The following NEDD4L variants were observed in gnomAD, a reference collection of about 807,000 sequenced individuals.
NEDD4L encodes the protein NEDD4 like E3 ubiquitin protein ligase.
NEDD4L carries 54 observed loss-of-function variants against 148.9 expected under a neutral mutation model. The ratio of observed to expected loss-of-function variants is 0.36; its 90% CI spans 0.29 to 0.45. The LOEUF (loss-of-function observed/expected upper bound fraction) is 0.45. Ranked by LOEUF, NEDD4L falls within the 20% of genes least tolerant of loss-of-function variation. NEDD4L has a pLI of 1.00. For missense variants in NEDD4L, 856 were observed against 1,233.8 expected (o/e 0.69, Z 4.59); for synonymous variants, 433 against 440.7 (o/e 0.98, Z 0.22).
Position 58,265,163 on chromosome 18 carries a change from T to C in NEDD4L, c.297+13109T>C, listed in dbSNP as rs909759079. Among the ~76,000 whole-genome samples, 5 of 151,992 alleles carry C rather than the reference T, an allele frequency of 3.3e-5. 1 individual carries two copies. The highest frequency in any genetic ancestry group is 7.4e-5 in the Non-Finnish European group (5 of 67,936). ...GACCAGATTTGTCTCAGTGGGCCAG[T>C]GGGAGGGGCCTCATTGAAAGACTGA... On this transcript the variant is annotated intron_variant, in intron 5 of 30. Coordinates refer to ENST00000400345, the MANE Select transcript of NEDD4L (RefSeq NM_001144967.3).
intron 2 of NEDD4L, among the ~76,000 whole-genome samples, chr18:58,173,421 G>C (rs1422857267): frequency 6.6e-6 from 1 of 152,186 alleles, no homozygotes; most frequent in Non-Finnish European, 1.5e-5. Context: ...AAACCTGCTT[G>C]GGTTGCTATC....
chr18:58,166,962 T>A (rs1274107717), intron 2 of NEDD4L, among the ~76,000 whole-genome samples: 1 of 152,246 alleles, frequency 6.6e-6, no homozygotes, highest in Non-Finnish European at 1.5e-5. Context: ...GCCTCTATTT[T>A]CTCACCTGTG....
intron 19 of NEDD4L, 28 bp from the exon 20 acceptor site, chr18:58,364,240 T>G: frequency 1.5e-6 from 2 of 1,358,306 alleles, no homozygotes; most frequent in Non-Finnish European, 2.1e-6. Context: ...TTGTTTGCAT[T>G]ATCTATATTT....
chr18:58,229,553 T>G (rs578142937), intron 2 of NEDD4L, among the ~76,000 whole-genome samples: 2 of 152,234 alleles, frequency 1.3e-5, no homozygotes, highest in Non-Finnish European at 2.9e-5. Flanking sequence ...TCTTTAATAT[T>G]ATCTCATTCC....
intron 24 of NEDD4L, among the ~76,000 whole-genome samples, chr18:58,379,999 C>T (rs1258677596): frequency 6.6e-6 from 1 of 152,066 alleles, no homozygotes; most frequent in Non-Finnish European, 1.5e-5. Context: ...GACGGCTGCC[C>T]ACAGGATGAT....
At chr18:58,123,345 G>A (rs1037511892) in intron 1 of NEDD4L, among the ~76,000 whole-genome samples, 2 of 152,086 alleles carry the variant, frequency 1.3e-5, no homozygotes, top group Non-Finnish European at 2.9e-5. Flanking sequence ...CCCACTCTGC[G>A]ATCTTCCGTT....
chr18:58,206,528 C>A (rs75147655), intron 2 of NEDD4L, among the ~76,000 whole-genome samples: 2 of 152,130 alleles, frequency 1.3e-5, no homozygotes, highest in African/African-American at 4.8e-5. Context: ...TGTGTTTGCA[C>A]GGGGTCTGAA....
chr18:58,103,016 TATC>T (rs754843095), intron 1 of NEDD4L, among the ~76,000 whole-genome samples: 5 of 152,020 alleles, frequency 3.3e-5, no homozygotes, highest in Non-Finnish European at 7.4e-5. Flanking sequence ...GCTGGCTTAT[TATC>T]TGTGCTGGCT....
chr18:58,323,217 C>G lies in NEDD4L; in HGVS notation c.411-15C>G, dbSNP rs750032362. 2 of 1,514,266 alleles carry G rather than the reference C, an allele frequency of 1.3e-6. No homozygotes were observed. Among genetic ancestry groups the G allele is most frequent in the East Asian group, 2.3e-5 (1 of 43,998 alleles). The allele number at this position is 1,514,266 out of a possible 1,614,324, so 93.8% of individuals were successfully genotyped here. A position where few individuals can be genotyped will look rare whatever the true frequency, so the allele number is the denominator to read the frequency against. ...CACAACCCTTCTAACCAATTTTCTT[C>G]CATTATGTGTGCAGTCATAAGTCTC... On this transcript the variant is annotated splice_polypyrimidine_tract_variant and intron_variant, in intron 7 of 30. Coordinates refer to ENST00000400345, the MANE Select transcript of NEDD4L (RefSeq NM_001144967.3).
chr18:58,202,020 G>A (rs2041469651), intron 2 of NEDD4L, among the ~76,000 whole-genome samples: 2 of 152,186 alleles, frequency 1.3e-5, no homozygotes, highest in African/African-American at 4.8e-5. Flanking sequence ...TGGTATTTTT[G>A]TCGAGGCATT....
intron 5 of NEDD4L, among the ~76,000 whole-genome samples, chr18:58,263,825 C>T (rs1324465793): frequency 6.6e-6 from 1 of 152,156 alleles, no homozygotes; most frequent in Non-Finnish European, 1.5e-5. Context: ...GTATATTAAG[C>T]TCCAACCAAA....
rs1246584954 is a variant in NEDD4L, at chr18:58,134,705, CTTTTCTTTTTTCCCCTTCTATT to C, written c.49-31073_49-31052del. 4.6e-5 allele frequency among the ~76,000 whole-genome samples: 7 copies of C among 151,618 alleles called. No homozygotes were observed. In the East Asian group the frequency reaches 1.4e-3, roughly 29 times the overall value. On this transcript the variant is annotated intron_variant, in intron 1 of 30. Coordinates refer to ENST00000400345, the MANE Select transcript of NEDD4L (RefSeq NM_001144967.3). ...ATTTCTTAAGTGAAAATCAGAATTT[CTTTTCTTTTTTCCCCTTCTATT>C]TTTTCTTTTAATCTTTTTTCTTTTG... is the stretch of plus-strand genomic sequence containing the variant.
chr18:58,300,786 A>T (rs1280588445), intron 5 of NEDD4L, among the ~76,000 whole-genome samples: 1 of 152,196 alleles, frequency 6.6e-6, no homozygotes, highest in East Asian at 1.9e-4. Flanking sequence ...CCAGTGGACA[A>T]GGTTTGCCCC....
chr18:58,049,478 T>C (rs1253047410), intron 1 of NEDD4L, among the ~76,000 whole-genome samples: 1 of 152,186 alleles, frequency 6.6e-6, no homozygotes, highest in Non-Finnish European at 1.5e-5. Flanking sequence ...AGGTGAATGC[T>C]GACAGGCCGT....
intron 2 of NEDD4L, among the ~76,000 whole-genome samples, chr18:58,194,354 C>G (rs1029521264): frequency 1.3e-5 from 2 of 152,204 alleles, no homozygotes; most frequent in African/African-American, 4.8e-5. Context: ...GGCCGGTCAC[C>G]CATGCCCTGG....
At chr18:58,296,890 C>T (rs2055678606) in intron 5 of NEDD4L, among the ~76,000 whole-genome samples, 1 of 152,060 alleles carries the variant, frequency 6.6e-6, no homozygotes, top group African/African-American at 2.4e-5. Context: ...CCACTGCACT[C>T]CAGCCTGGGC....
At chr18:58,125,361 G>A (rs545709330) in intron 1 of NEDD4L, among the ~76,000 whole-genome samples, 1 of 34,078 alleles carries the variant, frequency 2.9e-5, no homozygotes, top group Non-Finnish European at 5.6e-5. Context: ...CCAGGAGGGT[G>A]TGTGTGTGTG....
intron 1 of NEDD4L, among the ~76,000 whole-genome samples, chr18:58,048,919 A>G (rs1386406830): frequency 6.6e-6 from 1 of 152,184 alleles, no homozygotes; most frequent in Non-Finnish European, 1.5e-5. Context: ...ACAAACCTTT[A>G]AGGCTAACCT....
chr18:58,112,471 T>G (rs2849215), intron 1 of NEDD4L, among the ~76,000 whole-genome samples: 18,463 of 151,200 alleles, frequency 0.12, 1,685 homozygotes, highest in African/African-American at 0.26. Flanking sequence ...TATATATATA[T>G]AGAGAGAGAT....
Sources: allele counts gnomAD v4.1 joint callset (sites outside exome capture counted in the v4.1 genomes callset), GRCh38; gene constraint gnomAD v4.1.1; transcripts MANE v1.5; gene names NCBI Gene and HGNC (gene_info 2026-07-23, HGNC 2026-07-21).